Variants in TSBP1 observed in about 807,000 individuals in gnomAD.
The protein encoded by TSBP1 is testis expressed basic protein 1, also known as testis-expressed basic protein 1.
In TSBP1, 56 loss-of-function variants were observed where a neutral mutation model predicts 68.8. The observed-to-expected ratio is 0.81, with a 90% CI of 0.66 to 1.02. The LOEUF is 1.02. Ranked by LOEUF, TSBP1 falls within the 50% of genes least tolerant of loss-of-function variation. TSBP1 has a pLI of 0.00. For missense variants in TSBP1, 502 were observed against 641.2 expected (o/e 0.78, Z 2.34); for synonymous variants, 171 against 208.7 (o/e 0.82, Z 1.56).
chr6:32,361,658 G>C lies in TSBP1; in HGVS notation c.217+4509C>G, dbSNP rs1255963201. Among the ~76,000 whole-genome samples the C allele has an allele frequency of 6.6e-6, 1 of 152,054 alleles. No individual in the cohort carries two copies. The highest frequency in any genetic ancestry group is 2.1e-4 in the South Asian group (1 of 4,830). On this transcript the variant is annotated intron_variant, in intron 6 of 22. Transcript: ENST00000612031. The surrounding 1 kb of genome is among the most constrained non-coding windows in gnomAD (Gnocchi z 4.3). ...ATGAGTATTTTTTCATATGTCTGTTGGCTGCGTAAATGTCTTCTTTTAAGA... is the reference window on the plus strand; with the variant it reads ...ATGAGTATTTTTTCATATGTCTGTTCGCTGCGTAAATGTCTTCTTTTAAGA...
Position 32,295,451 on chromosome 6 carries a change from G to C in TSBP1, c.638-1416C>G, listed in dbSNP as rs1401318785. ...ATCAGTTAATCCTCAAAGATTCACT[G>C]TTTTTATATTTAGTTTGATCTGCTC... On this transcript the variant is annotated intron_variant, in intron 22 of 22. Coordinates refer to ENST00000612031, the Ensembl canonical transcript of TSBP1. Among the ~76,000 whole-genome samples the C allele has an allele frequency of 2.0e-5, 3 of 151,140 alleles. No individual in the cohort carries two copies. In the South Asian group the frequency reaches 6.3e-4, roughly 32 times the overall value.
rs1049748587 is a variant in TSBP1, at chr6:32,368,777, C to G, written c.133+5G>C. The G allele has an allele frequency of 1.3e-6, 2 of 1,578,428 alleles. No individual in the cohort carries two copies. The highest frequency in any genetic ancestry group is 1.7e-6 in the Non-Finnish European group (2 of 1,155,786). On this transcript the variant is annotated splice_donor_5th_base_variant and intron_variant, in intron 3 of 22. Transcript: ENST00000612031. ...TTTATTTTTCTCATGAGTATAAGTA[C>G]TTACTTTGTTCTGAACTGTATCTGG...
Position 32,349,723 on chromosome 6 carries a change from A to C in TSBP1, c.349+17T>G, listed in dbSNP as rs1363206551. The stretch of plus-strand genomic sequence containing the variant: ...GGCTAAATGTCAGCAGAATTGAAGA[A>C]AAGTAAAGGAACTTACCAATACTTG... On this transcript the variant is annotated intron_variant, in intron 9 of 22. Transcript: ENST00000612031. The C allele has an allele frequency of 2.0e-6, 3 of 1,492,632 alleles. No homozygotes were observed. The highest frequency in any genetic ancestry group is 2.8e-6 in the Non-Finnish European group (3 of 1,071,748). The allele number at this position is 1,492,632 out of a possible 1,614,324, so 92.5% of individuals were successfully genotyped here.
Position 32,325,044 on chromosome 6 carries a change from C to T in TSBP1, c.515-1430G>A, listed in dbSNP as rs949006157. ...CATTTTTCTGTCATTTTTTTTCCTT[C>T]TGCATGGAAAGTTCCTAACATTCTT... On this transcript the variant is annotated intron_variant, in intron 16 of 22. Coordinates refer to ENST00000612031, the Ensembl canonical transcript of TSBP1. The surrounding 1 kb of genome is among the most constrained non-coding windows in gnomAD (Gnocchi z 4.4). 3.3e-5 allele frequency among the ~76,000 whole-genome samples: 5 copies of T among 151,934 alleles called. No individual in the cohort carries two copies. The highest frequency in any genetic ancestry group is 9.7e-5 in the African/African-American group (4 of 41,364).
chr6:32,360,874 TC>T (rs1772936789), intron 6 of TSBP1, among the ~76,000 whole-genome samples: 1 of 110,442 alleles, frequency 9.1e-6, no homozygotes, highest in African/African-American at 2.6e-5. Flanking sequence ...TTTGTTTTTT[TC>T]TCTCTCTCTT....
At chr6:32,310,523 G>A (rs992531899) in intron 19 of TSBP1, among the ~76,000 whole-genome samples, 1 of 151,056 alleles carries the variant, frequency 6.6e-6, no homozygotes, top group Non-Finnish European at 1.5e-5. Flanking sequence ...TATTTTCCAT[G>A]TACTATTTTG....
At chr6:32,360,460 A>T (rs4389802) in intron 6 of TSBP1, among the ~76,000 whole-genome samples, 44,191 of 151,792 alleles carry the variant, frequency 0.29, 7,456 homozygotes, top group African/African-American at 0.44. Flanking sequence ...ATGGACACCT[A>T]GTTTATTCCT....
intron 6 of TSBP1, among the ~76,000 whole-genome samples, chr6:32,360,679 G>T (rs934892769): frequency 1.3e-5 from 2 of 152,064 alleles, no homozygotes; most frequent in African/African-American, 4.8e-5. Flanking sequence ...GTGTACAAGG[G>T]TTCCCTTTTC....
chr6:32,294,454 C>G (rs1220261159), intron 22 of TSBP1, among the ~76,000 whole-genome samples: 1 of 152,162 alleles, frequency 6.6e-6, no homozygotes, highest in Non-Finnish European at 1.5e-5. Flanking sequence ...TGAATAAAAG[C>G]ATATCTTATT....
chr6:32,333,612 C>T lies in TSBP1; in HGVS notation c.473-1558G>A, dbSNP rs1447380950. Among the ~76,000 whole-genome samples, 1 of 152,150 alleles carries T rather than the reference C, an allele frequency of 6.6e-6. No homozygotes were observed. The highest frequency in any genetic ancestry group is 6.5e-5 in the Admixed American group (1 of 15,278). On this transcript the variant is annotated intron_variant, in intron 14 of 22. Coordinates refer to ENST00000612031, the Ensembl canonical transcript of TSBP1. This position sits in a 1 kb window ranked among gnomAD's most constrained non-coding sequence, Gnocchi z 4.2. ...ATGTGGACACCTGCATAGATCATGG[C>T]GAGTACTACTCCCACAGCAGAGGGA...
rs9501179 is a variant in TSBP1 at position 32,325,216 on chromosome 6, G to A, written c.515-1602C>T. On this transcript the variant is annotated intron_variant, in intron 16 of 22. Transcript: ENST00000612031. The surrounding 1 kb of genome is among the most constrained non-coding windows in gnomAD (Gnocchi z 4.4). ...CATTAAAGTCTCTCTTCTCCTGGCC[G>A]TCTTATCTAAGTCAGAGTCTCCTAA... is the stretch of plus-strand genomic sequence containing the variant. 43,259 of 673,544 alleles carry A rather than the reference G, an allele frequency of 0.064. 2,082 individuals are homozygous for A. The highest frequency in any genetic ancestry group is 0.19 in the East Asian group (7,463 of 39,016). The allele number at this position is 673,544 out of a possible 1,614,324, so 41.7% of individuals were successfully genotyped here.
At chr6:32,305,586 A>G (rs1765710593) in intron 19 of TSBP1, among the ~76,000 whole-genome samples, 1 of 152,218 alleles carries the variant, frequency 6.6e-6, no homozygotes, top group Non-Finnish European at 1.5e-5. Context: ...TGGGCCATGA[A>G]GAAAAGCAGC....
intron 15 of TSBP1, 92 bp from the exon 17 acceptor site, chr6:32,330,701 C>G: frequency 4.3e-6 from 6 of 1,404,494 alleles, no homozygotes; most frequent in South Asian, 1.4e-5. Flanking sequence ...CAGAGTCTCT[C>G]ACTCTGTCGC....
In TSBP1 at chr6:32,292,754, T is replaced by A; in HGVS notation, c.*227A>T. 1 of 481,550 alleles carries A rather than the reference T, an allele frequency of 2.1e-6. No individual in the cohort carries two copies. Among genetic ancestry groups the A allele is most frequent in the Non-Finnish European group, 3.6e-6 (1 of 277,386 alleles). The allele number at this position is 481,550 out of a possible 1,614,324, so 29.8% of individuals were successfully genotyped here. ...ACTTCAGAAAGTATCCAGTCTTTCT[T>A]GACGGAATCATATACGTCTTAACTT... On this transcript the variant is annotated 3_prime_UTR_variant, in exon 23 of 23. Coordinates refer to ENST00000612031, the Ensembl canonical transcript of TSBP1. This position sits in a 1 kb window ranked among gnomAD's most constrained non-coding sequence, Gnocchi z 4.1.
intron 18 of TSBP1, among the ~76,000 whole-genome samples, chr6:32,322,100 C>T (rs1767693599): frequency 6.6e-6 from 1 of 152,142 alleles, no homozygotes; most frequent in East Asian, 1.9e-4. Context: ...GATTTAATTT[C>T]AGGCTGAGGA....
chr6:32,363,566 A>G (rs1455848203), intron 6 of TSBP1, among the ~76,000 whole-genome samples: 1 of 151,212 alleles, frequency 6.6e-6, no homozygotes, highest in Non-Finnish European at 1.5e-5. Flanking sequence ...GCTTACATAA[A>G]ACATGGTTTC....
chr6:32,310,762 T>TATATATATA (rs1554188790), intron 19 of TSBP1, among the ~76,000 whole-genome samples: 4 of 95,450 alleles, frequency 4.2e-5, no homozygotes, highest in African/African-American at 7.5e-5. Context: ...TATATATATA[T>TATATATATA]TTTTAATCTT....
chr6:32,308,554 C>T (rs1170119753), intron 19 of TSBP1, among the ~76,000 whole-genome samples: 19 of 146,340 alleles, frequency 1.3e-4, no homozygotes, highest in Non-Finnish European at 1.9e-4. Flanking sequence ...GCCGAGATCC[C>T]GCCACTGCAC....
intron 14 of TSBP1, among the ~76,000 whole-genome samples, chr6:32,332,693 T>G (rs761190): frequency 0.34 from 51,077 of 151,886 alleles, 9,641 homozygotes; most frequent in Middle Eastern, 0.52. Flanking sequence ...CACTACAGTC[T>G]CGACCTCCTG....
Sources: allele counts gnomAD v4.1 joint callset (sites outside exome capture counted in the v4.1 genomes callset), GRCh38; gene constraint gnomAD v4.1.1; non-coding constraint Gnocchi (gnomAD v3.1); transcripts MANE v1.5; gene names NCBI Gene and HGNC (gene_info 2026-07-23, HGNC 2026-07-21).